Variants in RALGAPA1 observed in about 807,000 individuals in gnomAD.
RALGAPA1 encodes the protein ral GTPase-activating protein subunit alpha-1.
A neutral mutation model predicts 269.6 loss-of-function variants in RALGAPA1; 52 were observed. That is an observed-to-expected ratio of 0.19 (90% CI 0.15 to 0.24). The LOEUF is 0.24. Ranked by LOEUF, RALGAPA1 falls within the 10% of genes least tolerant of loss-of-function variation. The pLI, the probability that RALGAPA1 is intolerant of heterozygous loss-of-function variation, is 1.00. For synonymous variants in RALGAPA1, 817 were observed against 1,008.3 expected (o/e 0.81, Z 3.60); for missense variants, 1,917 against 3,013.9 (o/e 0.64, Z 8.52).
At chr14:35,736,469 G>A (rs950146014) in intron 12 of RALGAPA1, among the ~76,000 whole-genome samples, 1 of 152,120 alleles carries the variant, frequency 6.6e-6, no homozygotes, top group African/African-American at 2.4e-5. Context: ...AGAGATTCAA[G>A]AACTGATTCC....
At chr14:35,647,974 G>A (rs1033715167) in intron 31 of RALGAPA1, among the ~76,000 whole-genome samples, 8 of 151,358 alleles carry the variant, frequency 5.3e-5, no homozygotes, top group Non-Finnish European at 1.2e-4. Flanking sequence ...TAAATAAGAT[G>A]TTTAAGATAA....
rs765636485 is a variant in RALGAPA1, at chr14:35,728,387, G to C, written c.1711C>G (p.Gln571Glu). 1.3e-5 allele frequency: 20 copies of C among 1,575,680 alleles called. No individual in the cohort carries two copies. In the Admixed American group the frequency reaches 3.7e-4, roughly 29 times the overall value. ...CAAGTCTTTTTGTCCATTGATACTT[G>C]TACAACCATGTACCGATAAATGTTA... ...ILNIYRYMVV[Q>E]VSMDKKTWEQ... The change falls in exon 13 of 42, where the codon CAA (glutamine) becomes GAA (glutamate). Residue 571 changes from glutamine to glutamate, a missense_variant. Around this residue, in one of 11 missense-constraint regions of RALGAPA1, gnomAD observed 462 missense variants for 725.6 expected, o/e 0.64. Coordinates refer to ENST00000680220, the MANE Select transcript of RALGAPA1 (RefSeq NM_001346249.2).
Position 35,723,193 on chromosome 14 carries a change from C to G in RALGAPA1, c.1938G>C (p.Leu646=). 6.2e-7 allele frequency: 1 copy of G among 1,613,736 alleles called. No homozygotes were observed. The highest frequency in any genetic ancestry group is 8.5e-7 in the Non-Finnish European group (1 of 1,179,706). Residue 646 remains leucine, a synonymous_variant, in exon 15 of 42, where the codon CTG becomes CTC. Transcript: ENST00000680220. ...YISRELWDDL[L]SVLSSLTYWE... ...AATAGGTCAGCGATGACAATACTGA[C>G]AGTAAGTCATCCCAAAGTTCTCGGG...
At chr14:35,780,668 G>A (rs1259752735) in intron 1 of RALGAPA1, among the ~76,000 whole-genome samples, 1 of 152,182 alleles carries the variant, frequency 6.6e-6, no homozygotes, top group Non-Finnish European at 1.5e-5. Flanking sequence ...TGAGATGAAT[G>A]TAAATGAAAA....
At chr14:35,557,134 G>GTA (rs1229751280) in intron 39 of RALGAPA1, among the ~76,000 whole-genome samples, 6 of 146,794 alleles carry the variant, frequency 4.1e-5, no homozygotes, top group African/African-American at 1.3e-4. Flanking sequence ...GTGTGTGTGT[G>GTA]TGTATATATA....
At chr14:35,565,858 G>A (rs1379253715) in intron 39 of RALGAPA1, among the ~76,000 whole-genome samples, 1 of 151,980 alleles carries the variant, frequency 6.6e-6, no homozygotes, top group East Asian at 1.9e-4. Flanking sequence ...AGAAATAATT[G>A]CTTTAAAATT....
At chr14:35,702,244 GGA>G (rs1378605604) in intron 16 of RALGAPA1, among the ~76,000 whole-genome samples, 4 of 152,070 alleles carry the variant, frequency 2.6e-5, no homozygotes, top group Non-Finnish European at 4.4e-5. Flanking sequence ...AAGATACAGA[GGA>G]GAAAGTAAAA....
chr14:35,672,753 A>C lies in RALGAPA1; in HGVS notation c.5073+114T>G, dbSNP rs999680789. On this transcript the variant is annotated intron_variant, in intron 25 of 41. Coordinates refer to ENST00000680220, the MANE Select transcript of RALGAPA1 (RefSeq NM_001346249.2). Reference sequence around the variant, plus strand: ...AAGTAAATTGTATATAAATCACTAAATAAGGGGGAGAGTTTAACTTCTAGA... The same window carrying C: ...AAGTAAATTGTATATAAATCACTAACTAAGGGGGAGAGTTTAACTTCTAGA... 1.7e-5 allele frequency: 17 copies of C among 994,708 alleles called. No individual in the cohort carries two copies. In the African/African-American group the frequency reaches 2.9e-4, roughly 17 times the overall value. 61.6% of individuals were successfully genotyped at this position (994,708 alleles called of 1,614,324 possible). A position where few individuals can be genotyped will look rare whatever the true frequency, so the allele number is the denominator to read the frequency against.
chr14:35,635,713 G>A (rs1319107362), intron 31 of RALGAPA1, 115 bp from the exon 32 acceptor site: 2 of 834,282 alleles, frequency 2.4e-6, no homozygotes, highest in African/African-American at 3.5e-5. Context: ...TCAACCCTAA[G>A]TTCCACTATT....
At chr14:35,666,257 CT>C (rs200072974) in intron 26 of RALGAPA1, among the ~76,000 whole-genome samples, 6 of 149,562 alleles carry the variant, frequency 4.0e-5, no homozygotes, top group East Asian at 2.0e-4. Context: ...ACACAATTAT[CT>C]TTTTTTTTTA....
intron 37 of RALGAPA1, among the ~76,000 whole-genome samples, chr14:35,583,216 A>G (rs190492653): frequency 4.6e-5 from 7 of 152,342 alleles, no homozygotes; most frequent in Admixed American, 2.6e-4. Flanking sequence ...AGTAGACAAC[A>G]TTTAAGAACA....
At position 35,605,705 on chromosome 14, in the gene RALGAPA1, C is replaced by G. The variant is rs778791069; in HGVS notation, c.6934G>C (p.Glu2312Gln). ...TAAAATACTGCAATCTTGTGTGTCT[C>G]TCGGCTATAAAACAAAAGATTACAC... is the stretch of plus-strand genomic sequence containing the variant. ...LRNLDSRQCRETHKIAVFYVA... is the reference protein window; with the variant it reads ...LRNLDSRQCRQTHKIAVFYVA... The change falls in exon 36 of 42, where the codon GAG becomes CAG. Residue 2312 changes from glutamate (E) to glutamine (Q), a missense_variant. Physicochemically the swap from Glu to Gln is conservative, Grantham distance 29 (BLOSUM62 2). This residue lies in a region of RALGAPA1 where 132 missense variants were observed against 271.2 expected (regional missense o/e 0.49). Coordinates refer to ENST00000680220, the MANE Select transcript of RALGAPA1 (RefSeq NM_001346249.2). 18 of 1,605,722 alleles carry G rather than the reference C, an allele frequency of 1.1e-5. No individual in the cohort carries two copies. The South Asian group carries it at 2.0e-4, about 18-fold the overall frequency.
intron 4 of RALGAPA1, 88 bp from the exon 5 acceptor site, chr14:35,762,841 T>A: frequency 1.3e-6 from 1 of 798,656 alleles, no homozygotes; most frequent in East Asian, 2.5e-5. Context: ...CACTTTTAAA[T>A]AAGTCCTTGG....
rs575152393 is a variant in RALGAPA1 at position 35,648,133 on chromosome 14, C to A, written c.5676+3672G>T. ...CTACTGAAAAAAACAAAAAAAAAAA[C>A]CAACCAAAAAAAAACTAGCAAGGTG... On this transcript the variant is annotated intron_variant, in intron 31 of 41. Coordinates refer to ENST00000680220, the MANE Select transcript of RALGAPA1 (RefSeq NM_001346249.2). Among the ~76,000 whole-genome samples, 45 of 149,454 alleles carry A rather than the reference C, an allele frequency of 3.0e-4. 1 individual carries two copies. The East Asian group carries it at 4.0e-3, about 13-fold the overall frequency.
intron 36 of RALGAPA1, among the ~76,000 whole-genome samples, chr14:35,604,732 T>C (rs553809217): frequency 2.0e-5 from 3 of 152,208 alleles, no homozygotes; most frequent in Admixed American, 6.5e-5. Flanking sequence ...ATAATAAATA[T>C]ATGTGCTTTA....
chr14:35,613,387 A>G (rs2060072943), intron 35 of RALGAPA1, among the ~76,000 whole-genome samples: 1 of 152,078 alleles, frequency 6.6e-6, no homozygotes, highest in Admixed American at 6.5e-5. Flanking sequence ...CAGTCACATA[A>G]CCCAATTTAA....
intron 31 of RALGAPA1, among the ~76,000 whole-genome samples, chr14:35,647,096 A>T (rs2062483657): frequency 6.6e-6 from 1 of 152,244 alleles, no homozygotes; most frequent in Admixed American, 6.5e-5. Flanking sequence ...GACCTTGGGC[A>T]ACTTAACCTT....
intron 1 of RALGAPA1, among the ~76,000 whole-genome samples, chr14:35,786,417 A>ATCACGAGG (rs974249868): frequency 4.6e-5 from 7 of 152,078 alleles, no homozygotes; most frequent in Non-Finnish European, 8.8e-5. Flanking sequence ...AGGCGGGCGG[A>ATCACGAGG]TCACGAGGTC....
At chr14:35,761,515 A>C (rs2073706873) in intron 5 of RALGAPA1, among the ~76,000 whole-genome samples, 1 of 150,872 alleles carries the variant, frequency 6.6e-6, no homozygotes, top group Non-Finnish European at 1.5e-5. Flanking sequence ...AAAATGATTT[A>C]ATTTAAATAA....
Sources: gnomAD v4.1 joint callset for allele counts (sites outside exome capture counted in the v4.1 genomes callset) on GRCh38, gnomAD v4.1.1 for gene constraint, gnomAD v4.1.1 regional missense constraint, MANE v1.5 for transcripts, NCBI Gene and HGNC (gene_info 2026-07-23, HGNC 2026-07-21) for gene names.